AMBRA1: variants seen among roughly 807,000 people sequenced by gnomAD.
AMBRA1 encodes autophagy and beclin 1 regulator 1.
AMBRA1 carries 47 observed loss-of-function variants against 125.4 expected under a neutral mutation model. The observed-to-expected ratio is 0.37, with a 90% CI of 0.30 to 0.48. The LOEUF (loss-of-function observed/expected upper bound fraction) is 0.48. Ranked by LOEUF, AMBRA1 falls within the 20% of genes least tolerant of loss-of-function variation. The pLI, the probability that AMBRA1 is intolerant of heterozygous loss-of-function variation, is 0.99. For synonymous variants in AMBRA1, 626 were observed against 655.5 expected, an observed-to-expected ratio of 0.95 and a Z score of 0.69; for missense variants, 1,331 against 1,693.4, an observed-to-expected ratio of 0.79 and a Z score of 3.76.
intron 1 of AMBRA1, among the ~76,000 whole-genome samples, chr11:46,576,801 G>A (rs2043974744): frequency 6.6e-6 from 1 of 152,094 alleles, no homozygotes; most frequent in South Asian, 2.1e-4. Flanking sequence ...GCTTTATATG[G>A]GTCACCTTAG....
chr11:46,432,043 A>T (rs931402), intron 14 of AMBRA1, among the ~76,000 whole-genome samples: 14 of 151,302 alleles, frequency 9.3e-5, no homozygotes, highest in South Asian at 6.3e-4. Flanking sequence ...TTATTTATTT[A>T]TTTTTTTTTG....
chr11:46,491,578 G>A (rs1448897043), intron 11 of AMBRA1, among the ~76,000 whole-genome samples: 2 of 152,114 alleles, frequency 1.3e-5, no homozygotes, highest in Non-Finnish European at 1.5e-5. Flanking sequence ...AAATATCAAC[G>A]AATGATAAAT....
At chr11:46,565,828 G>A (rs2135255431) in intron 1 of AMBRA1, among the ~76,000 whole-genome samples, 1 of 151,974 alleles carries the variant, frequency 6.6e-6, no homozygotes, top group South Asian at 2.1e-4. Flanking sequence ...GGAGTGGGTA[G>A]CATGACCAAT....
chr11:46,531,624 C>G (rs1375005115), intron 7 of AMBRA1, among the ~76,000 whole-genome samples: 2 of 151,782 alleles, frequency 1.3e-5, no homozygotes, highest in Non-Finnish European at 2.9e-5. Context: ...GCAAGAGAAT[C>G]ACTTGAATTC....
intron 15 of AMBRA1, among the ~76,000 whole-genome samples, chr11:46,417,667 A>G (rs1946606385): frequency 6.6e-6 from 1 of 152,222 alleles, no homozygotes; most frequent in South Asian, 2.1e-4. Flanking sequence ...AAACAAAGAA[A>G]AAAAAATACT....
At chr11:46,473,768 A>G (rs1949701671) in intron 11 of AMBRA1, among the ~76,000 whole-genome samples, 1 of 152,198 alleles carries the variant, frequency 6.6e-6, no homozygotes. Flanking sequence ...CTCCTGCCTC[A>G]GCCTCCCAAG....
intron 7 of AMBRA1, among the ~76,000 whole-genome samples, chr11:46,528,655 G>C (rs1952082693): frequency 6.6e-6 from 1 of 152,140 alleles, no homozygotes; most frequent in Admixed American, 6.5e-5. Flanking sequence ...GTCATTCAAA[G>C]GATACAGAGT....
intron 17 of AMBRA1, among the ~76,000 whole-genome samples, chr11:46,405,243 G>A (rs1254081744): frequency 6.6e-6 from 1 of 152,194 alleles, no homozygotes; most frequent in Non-Finnish European, 1.5e-5. Flanking sequence ...CCACAGGCTG[G>A]GCAAAGCCCC....
chr11:46,579,795 C>T (rs929118802), intron 1 of AMBRA1, among the ~76,000 whole-genome samples: 37 of 152,144 alleles, frequency 2.4e-4, no homozygotes, highest in Admixed American at 1.6e-3. Flanking sequence ...TCACTATATC[C>T]CCCGCCTCCC....
chr11:46,494,196 C>A lies in AMBRA1; in HGVS notation c.2348G>T (p.Gly783Val), dbSNP rs950812034. 1.2e-6 allele frequency: 2 copies of A among 1,600,426 alleles called. No homozygotes were observed. The highest frequency in any genetic ancestry group is 1.7e-6 in the Non-Finnish European group (2 of 1,172,436). Residue 783 changes from glycine to valine, a missense_variant, in exon 10 of 18, where the codon GGT becomes GTT. Around this residue, in one of 4 missense-constraint regions of AMBRA1, gnomAD observed 689 missense variants for 776.5 expected, o/e 0.89. Coordinates refer to ENST00000683756, the MANE Select transcript of AMBRA1 (RefSeq NM_001387011.1). The part of the protein sequence containing the change: ...DLEFEDFEDN[G>V]DRSRHRAPRN... The stretch of plus-strand genomic sequence containing the variant: ...TGGAGCTCGGTGCCTGGATCTGTCA[C>A]CATTGTCCCTGAAAAAAATAAAAAC...
intron 14 of AMBRA1, among the ~76,000 whole-genome samples, chr11:46,429,311 T>A (rs916942873): frequency 1.3e-5 from 2 of 152,188 alleles, no homozygotes; most frequent in African/African-American, 4.8e-5. Flanking sequence ...GCCCGCATCC[T>A]GGGGAGGAGC....
chr11:46,543,030 G>A lies in AMBRA1; in HGVS notation c.987C>T (p.Val329=), dbSNP rs773265162. 4 of 1,599,476 alleles carry A rather than the reference G, an allele frequency of 2.5e-6. No individual in the cohort carries two copies. Among genetic ancestry groups the A allele is most frequent in the South Asian group, 1.1e-5 (1 of 91,080 alleles). ...TAGTAGCTCTGGCAGAAGCAGGGGG[G>A]ACACTGTCCTGGTGTGGCAAGAGGG... The part of the protein sequence containing the change: ...VPSLLPHQDS[V]PPASARATTP... Residue 329 remains valine (V), a synonymous_variant, in exon 7 of 18, where the codon GTC becomes GTT. Coordinates refer to ENST00000683756, the MANE Select transcript of AMBRA1 (RefSeq NM_001387011.1).
intron 1 of AMBRA1, among the ~76,000 whole-genome samples, chr11:46,576,046 T>A (rs538529735): frequency 6.6e-6 from 1 of 152,182 alleles, no homozygotes; most frequent in Admixed American, 6.6e-5. Context: ...AATCACACAC[T>A]CTATGGAAGC....
chr11:46,502,842 C>T lies in AMBRA1; in HGVS notation c.2339+5349G>A, dbSNP rs140575040. ...TTGGGAGGCCGAAGTGGGCAGATCACGAGGTCAGGAGTTCAAGACCATCCT... is the reference window on the plus strand; with the variant it reads ...TTGGGAGGCCGAAGTGGGCAGATCATGAGGTCAGGAGTTCAAGACCATCCT... On this transcript the variant is annotated intron_variant, in intron 9 of 17. Coordinates refer to ENST00000683756, the MANE Select transcript of AMBRA1 (RefSeq NM_001387011.1). Among the ~76,000 whole-genome samples, 25 of 152,044 alleles carry T rather than the reference C, an allele frequency of 1.6e-4. No homozygotes were observed. In the East Asian group the frequency reaches 1.7e-3, roughly 11 times the overall value.
intron 1 of AMBRA1, among the ~76,000 whole-genome samples, chr11:46,585,692 AAAAATATATATAT>A (rs1294585441): frequency 1.9e-5 from 1 of 53,892 alleles, no homozygotes; most frequent in East Asian, 3.2e-4. Flanking sequence ...AAAAAAAAAA[AAAAATATATATAT>A]ATATATATAT....
chr11:46,399,796 G>A (rs900798746), intron 17 of AMBRA1, among the ~76,000 whole-genome samples: 14 of 152,144 alleles, frequency 9.2e-5, no homozygotes, highest in Admixed American at 2.6e-4. Flanking sequence ...CATATTTCCC[G>A]GAAAAGAGTC....
chr11:46,416,229 A>C (rs972707715), intron 15 of AMBRA1, among the ~76,000 whole-genome samples: 4 of 152,244 alleles, frequency 2.6e-5, no homozygotes, highest in African/African-American at 7.2e-5. Flanking sequence ...AAAAGAGATA[A>C]GACAATCAGC....
At chr11:46,400,421 C>G (rs897105142) in intron 17 of AMBRA1, among the ~76,000 whole-genome samples, 2 of 145,404 alleles carry the variant, frequency 1.4e-5, no homozygotes, top group African/African-American at 5.1e-5. Context: ...CAAGAGATCT[C>G]TCACCCTTCT....
intron 11 of AMBRA1, among the ~76,000 whole-genome samples, chr11:46,485,080 G>T (rs2136932037): frequency 6.6e-6 from 1 of 152,260 alleles, no homozygotes; most frequent in African/African-American, 2.4e-5. Flanking sequence ...TGGGATTACA[G>T]GCACCTGCCA....
Sources: allele counts gnomAD v4.1 joint callset (sites outside exome capture counted in the v4.1 genomes callset), GRCh38; gene constraint gnomAD v4.1.1; regional missense constraint gnomAD v4.1.1; transcripts MANE v1.5; gene names NCBI Gene and HGNC (gene_info 2026-07-23, HGNC 2026-07-21).